Variants in FARS2 observed in about 807,000 individuals in gnomAD.
The protein encoded by FARS2 is phenylalanine--tRNA ligase, mitochondrial.
FARS2 carries 40 observed loss-of-function variants against 46.4 expected under a neutral mutation model. The ratio of observed to expected loss-of-function variants is 0.86; its 90% CI spans 0.67 to 1.12. The LOEUF (loss-of-function observed/expected upper bound fraction) is 1.12. Ranked by LOEUF, FARS2 falls within the 50% of genes most tolerant of loss-of-function variation. The pLI, the probability that FARS2 is intolerant of heterozygous loss-of-function variation, is 0.00. For synonymous variants in FARS2, 234 were observed against 214.9 expected (o/e 1.09, Z -0.78); for missense variants, 513 against 567.9 (o/e 0.90, Z 0.98).
chr6:5,488,090 A>G (rs1260078855), intron 4 of FARS2, among the ~76,000 whole-genome samples: 2 of 152,146 alleles, frequency 1.3e-5, no homozygotes, highest in African/African-American at 2.4e-5. Context: ...GTGTCCTTGG[A>G]TAAATGTGTT....
chr6:5,675,725 C>A (rs1262911945), intron 6 of FARS2, among the ~76,000 whole-genome samples: 1 of 152,094 alleles, frequency 6.6e-6, no homozygotes, highest in Non-Finnish European at 1.5e-5. Context: ...CTGATCTTTA[C>A]CAAATTCAGT....
In FARS2 at chr6:5,527,286, C is replaced by A. The variant is rs188532583; in HGVS notation, c.905-17894C>A. Among the ~76,000 whole-genome samples, 26 of 152,366 alleles carry A rather than the reference C, an allele frequency of 1.7e-4. No individual in the cohort carries two copies. In the East Asian group the frequency reaches 3.9e-3, roughly 23 times the overall value. On this transcript the variant is annotated intron_variant, in intron 4 of 6. Transcript: ENST00000274680. Reference sequence around the variant, plus strand: ...AGAGGGACTGCGTTGACCCTGCCGTCCAACGGCATATCTCCTACAGTCATA... The same window carrying A: ...AGAGGGACTGCGTTGACCCTGCCGTACAACGGCATATCTCCTACAGTCATA...
chr6:5,365,490 C>T (rs1229513931), intron 1 of FARS2, among the ~76,000 whole-genome samples: 6 of 148,582 alleles, frequency 4.0e-5, no homozygotes, highest in East Asian at 2.0e-4. Context: ...CCACCATACC[C>T]GGCTAATTTA....
At chr6:5,633,872 T>C (rs1776416053) in intron 6 of FARS2, among the ~76,000 whole-genome samples, 2 of 152,224 alleles carry the variant, frequency 1.3e-5, no homozygotes, top group African/African-American at 4.8e-5. Flanking sequence ...AAATCTCTTA[T>C]CAATGATTAG....
At chr6:5,277,618 T>C (rs893919644) in intron 1 of FARS2, among the ~76,000 whole-genome samples, 7 of 152,186 alleles carry the variant, frequency 4.6e-5, no homozygotes, top group African/African-American at 1.7e-4. Flanking sequence ...GCATAAAGGG[T>C]GCTGGCAATT....
intron 2 of FARS2, among the ~76,000 whole-genome samples, chr6:5,386,606 A>C (rs544108576): frequency 6.6e-6 from 1 of 152,204 alleles, no homozygotes; most frequent in African/African-American, 2.4e-5. Context: ...GGGATGATCG[A>C]TAAGAAAGGA....
At chr6:5,315,716 C>CTTTCTTTCTTTCTTTCTTTCTTTCTT (rs369017393) in intron 1 of FARS2, among the ~76,000 whole-genome samples, 5 of 28,288 alleles carry the variant, frequency 1.8e-4, no homozygotes, top group East Asian at 4.3e-3. Context: ...ATATTGATTT[C>CTTTCTTTCTTTCTTTCTTTCTTTCTT]TCTTTCTTTC....
At chr6:5,287,292 G>C (rs983607471) in intron 1 of FARS2, among the ~76,000 whole-genome samples, 5 of 152,218 alleles carry the variant, frequency 3.3e-5, no homozygotes, top group Non-Finnish European at 7.3e-5. Flanking sequence ...CCTTGTGTCA[G>C]AGGTGGCAGT....
chr6:5,373,360 A>G (rs959189973), intron 2 of FARS2, among the ~76,000 whole-genome samples: 1 of 152,138 alleles, frequency 6.6e-6, no homozygotes, highest in South Asian at 2.1e-4. Context: ...GGACAACCAC[A>G]GTTAACGTGT....
At chr6:5,715,813 T>C (rs1297542703) in intron 6 of FARS2, among the ~76,000 whole-genome samples, 3 of 152,240 alleles carry the variant, frequency 2.0e-5, no homozygotes, top group Non-Finnish European at 4.4e-5. Flanking sequence ...CTTTAATTTC[T>C]CTTGGGTGTA....
At chr6:5,390,147 A>T (rs1760408287) in intron 2 of FARS2, among the ~76,000 whole-genome samples, 1 of 152,150 alleles carries the variant, frequency 6.6e-6, no homozygotes, top group Admixed American at 6.5e-5. Flanking sequence ...TACAGGCATG[A>T]GCCACTGCAC....
chr6:5,284,137 A>G (rs1223572680), intron 1 of FARS2, among the ~76,000 whole-genome samples: 1 of 152,164 alleles, frequency 6.6e-6, no homozygotes, highest in Non-Finnish European at 1.5e-5. Context: ...CATTTCTCTC[A>G]TGAATGCTAT....
At chr6:5,497,637 G>A (rs1239927497) in intron 4 of FARS2, among the ~76,000 whole-genome samples, 1 of 152,130 alleles carries the variant, frequency 6.6e-6, no homozygotes, top group African/African-American at 2.4e-5. Flanking sequence ...ATTTAACATG[G>A]AAAATGAATG....
intron 4 of FARS2, among the ~76,000 whole-genome samples, chr6:5,450,603 T>G (rs777508911): frequency 2.0e-5 from 3 of 152,138 alleles, no homozygotes; most frequent in Non-Finnish European, 2.9e-5. Flanking sequence ...TTGATGTTTT[T>G]CAACCATTTA....
intron 6 of FARS2, among the ~76,000 whole-genome samples, chr6:5,735,389 A>G (rs1449428626): frequency 6.6e-6 from 1 of 152,200 alleles, no homozygotes; most frequent in Non-Finnish European, 1.5e-5. Context: ...GACTGGACCA[A>G]GGAAAATGCT....
At chr6:5,658,540 CTACAT>C in intron 6 of FARS2, among the ~76,000 whole-genome samples, 1 of 152,330 alleles carries the variant, frequency 6.6e-6, no homozygotes, top group Non-Finnish European at 1.5e-5. Context: ...ACTACATAAA[CTACAT>C]TACATGTCTA....
intron 5 of FARS2, among the ~76,000 whole-genome samples, chr6:5,602,832 A>G (rs1187304088): frequency 1.3e-5 from 2 of 152,142 alleles, no homozygotes; most frequent in African/African-American, 4.8e-5. Flanking sequence ...TGGCACGCTT[A>G]TAATTTATAA....
At chr6:5,460,590 C>T (rs778392606) in intron 4 of FARS2, among the ~76,000 whole-genome samples, 57 of 152,242 alleles carry the variant, frequency 3.7e-4, no homozygotes, top group African/African-American at 4.8e-4. Context: ...GTCAGGAGGC[C>T]GCCTCTGTGA....
intron 6 of FARS2, among the ~76,000 whole-genome samples, chr6:5,685,016 A>G (rs1757082134): frequency 6.6e-6 from 1 of 152,138 alleles, no homozygotes; most frequent in African/African-American, 2.4e-5. Context: ...AGAAACTCAG[A>G]ACCCTTGACC....
Sources: gnomAD v4.1 joint callset for allele counts (sites outside exome capture counted in the v4.1 genomes callset) on GRCh38, gnomAD v4.1.1 for gene constraint, MANE v1.5 for transcripts, NCBI Gene and HGNC (gene_info 2026-07-23, HGNC 2026-07-21) for gene names.